ABCB9: variants seen among roughly 807,000 people sequenced by gnomAD.
The protein encoded by ABCB9 is ABC-type oligopeptide transporter ABCB9.
Under a neutral mutation model 62.0 loss-of-function variants are expected in ABCB9, and 36 were observed. The observed-to-expected ratio is 0.58, with a 90% CI of 0.45 to 0.77. The LOEUF is 0.77. Among genes scored for constraint, ABCB9 ranks in the 30% least tolerant of loss-of-function variants. The pLI, the probability that ABCB9 is intolerant of heterozygous loss-of-function variation, is 0.00. For missense variants in ABCB9, 943 were observed against 1,054.7 expected (o/e 0.89, Z 1.47); for synonymous variants, 435 against 461.4 (o/e 0.94, Z 0.73).
intron 2 of ABCB9, among the ~76,000 whole-genome samples, chr12:122,953,245 G>C (rs1442436404): frequency 6.6e-5 from 10 of 150,678 alleles, no homozygotes; most frequent in African/African-American, 2.4e-4. Context: ...TGGAGTCTCA[G>C]TCTGTTACCC....
At chr12:122,974,358 C>T (rs1285261675) in intron 1 of ABCB9, among the ~76,000 whole-genome samples, 1 of 152,220 alleles carries the variant, frequency 6.6e-6, no homozygotes, top group Non-Finnish European at 1.5e-5. Context: ...ATCCCACATA[C>T]TTCCACCACT....
At chr12:122,967,949 T>C (rs938242713), upstream of ABCB9, among the ~76,000 whole-genome samples, 5 of 152,104 alleles carry the variant, frequency 3.3e-5, no homozygotes, top group African/African-American at 1.2e-4. Flanking sequence ...GCAAGGGAGC[T>C]AAGGTACTAG....
At position 122,929,981 on chromosome 12, in the gene ABCB9, C is replaced by T; in HGVS notation, c.2231G>A (p.Gly744Glu). The T allele has an allele frequency of 6.3e-7, 1 of 1,578,834 alleles. No homozygotes were observed. Among genetic ancestry groups the T allele is most frequent in the Non-Finnish European group, 8.6e-7 (1 of 1,165,442 alleles). ...TGTGAAGTCTGCGGCGGGCTGAAGC[C>T]CCAGCATCTGCCGCTGCACCAGCTT... ...YAKLVQRQML[G>E]LQPAADFTAG... The change falls in exon 12 of 12, where the codon GGG becomes GAG. Residue 744 changes from glycine (G) to glutamate (E), a missense_variant. Coordinates refer to ENST00000280560, the MANE Select transcript of ABCB9 (RefSeq NM_019625.4). The surrounding 1 kb of genome is among the most constrained non-coding windows in gnomAD (Gnocchi z 6.0).
chr12:122,971,906 C>T (rs1019520564), intron 1 of ABCB9, among the ~76,000 whole-genome samples: 2 of 151,718 alleles, frequency 1.3e-5, no homozygotes, highest in African/African-American at 2.4e-5. Flanking sequence ...ACTTGCTACT[C>T]AATTTTGCTG....
At chr12:122,934,798 T>A (rs182045332) in intron 10 of ABCB9, among the ~76,000 whole-genome samples, 3 of 152,106 alleles carry the variant, frequency 2.0e-5, no homozygotes, top group Admixed American at 1.3e-4. Flanking sequence ...TATGAACATG[T>A]TATTTTTATC....
chr12:122,965,729 CTTTTT>C (rs77571044), intron 1 of ABCB9, among the ~76,000 whole-genome samples: 1 of 144,038 alleles, frequency 6.9e-6, no homozygotes, highest in Non-Finnish European at 1.5e-5. Context: ...GGGGAGGAGG[CTTTTT>C]TTTTTTTTCC....
Position 122,932,283 on chromosome 12 carries a change from C to T in ABCB9, c.1949G>A (p.Arg650Gln), listed in dbSNP as rs867978677. 6.4e-6 allele frequency: 10 copies of T among 1,551,252 alleles called. No individual in the cohort carries two copies. Among genetic ancestry groups the T allele is most frequent in the African/African-American group, 5.5e-5 (4 of 73,054 alleles). ...CACCAGAGCCCGGGCCATGGCCACCCGCTGCTTCTGGCCACCTGACAGCTG... is the reference window on the plus strand; with the variant it reads ...CACCAGAGCCCGGGCCATGGCCACCTGCTGCTTCTGGCCACCTGACAGCTG... ...GAQLSGGQKQRVAMARALVRN... is the reference protein window; with the variant it reads ...GAQLSGGQKQQVAMARALVRN... The change falls in exon 11 of 12, where the codon CGG (arginine) becomes CAG (glutamine). Residue 650 changes from arginine (R) to glutamine (Q), a missense_variant. Arg to Gln is a conservative substitution (Grantham distance 43). Transcript: ENST00000280560. The surrounding 1 kb of genome is among the most constrained non-coding windows in gnomAD (Gnocchi z 4.7).
intron 10 of ABCB9, among the ~76,000 whole-genome samples, chr12:122,933,387 T>C (rs1378784304): frequency 6.6e-6 from 1 of 152,140 alleles, no homozygotes; most frequent in East Asian, 1.9e-4. Flanking sequence ...ACCCTGTCTC[T>C]ACTAAAAATA....
chr12:122,944,534 G>A lies in ABCB9; in HGVS notation c.1252-15C>T, dbSNP rs1275057060. 6 of 1,613,118 alleles carry A rather than the reference G, an allele frequency of 3.7e-6. No individual in the cohort carries two copies. The highest frequency in any genetic ancestry group is 5.1e-6 in the Non-Finnish European group (6 of 1,179,662). Reference sequence around the variant, plus strand: ...AGCAGTGTGAGCTGGGGCAGAGGGAGAGGGGATGTGGGTCGAGGGGACCTT... The same window carrying A: ...AGCAGTGTGAGCTGGGGCAGAGGGAAAGGGGATGTGGGTCGAGGGGACCTT... On this transcript the variant is annotated splice_polypyrimidine_tract_variant and intron_variant, in intron 6 of 11. Transcript: ENST00000280560. The surrounding 1 kb of genome is among the most constrained non-coding windows in gnomAD (Gnocchi z 4.9).
chr12:122,945,426 C>T (rs1012168913), intron 6 of ABCB9, among the ~76,000 whole-genome samples: 18 of 152,036 alleles, frequency 1.2e-4, no homozygotes, highest in African/African-American at 4.1e-4. Flanking sequence ...CAGACACTGT[C>T]GGGAGTGTGT....
rs908988149 is a variant in ABCB9, at chr12:122,930,881, C to G, written c.2041-710G>C. On this transcript the variant is annotated intron_variant, in intron 11 of 11. Transcript: ENST00000280560. The surrounding 1 kb of genome is among the most constrained non-coding windows in gnomAD (Gnocchi z 4.9). ...TCAATCCGCGCATAGACTGAGGTTG[C>G]TAGCCATCTGCAAATACATGACTGG... Among the ~76,000 whole-genome samples, 2 of 152,150 alleles carry G rather than the reference C, an allele frequency of 1.3e-5. No homozygotes were observed. The highest frequency in any genetic ancestry group is 1.9e-4 in the East Asian group (1 of 5,194).
chr12:122,945,997 C>T lies in ABCB9; in HGVS notation c.1251+28G>A. 3 of 1,609,910 alleles carry T rather than the reference C, an allele frequency of 1.9e-6. No individual in the cohort carries two copies. The East Asian group carries it at 6.7e-5, about 36-fold the overall frequency. On this transcript the variant is annotated intron_variant, in intron 6 of 11. Coordinates refer to ENST00000280560, the MANE Select transcript of ABCB9 (RefSeq NM_019625.4). ...ATCTTTGCATCCCATCCCTCCACAG[C>T]CAGAGCTGCCTGGCCAGGGGCACGT...
At chr12:122,950,598 G>A in intron 2 of ABCB9, 33 bp from the exon 3 acceptor site, 2 of 1,563,680 alleles carry the variant, frequency 1.3e-6, no homozygotes, top group Middle Eastern at 1.7e-4. Context: ...AGGGACGTCT[G>A]CAGCCAGGGG....
chr12:122,959,479 G>C lies in ABCB9; in HGVS notation c.601+156C>G, dbSNP rs554285976. 6.6e-6 allele frequency among the ~76,000 whole-genome samples: 1 copy of C among 152,320 alleles called. No homozygotes were observed. The highest frequency in any genetic ancestry group is 2.1e-4 in the South Asian group (1 of 4,826). On this transcript the variant is annotated intron_variant, in intron 2 of 11. Coordinates refer to ENST00000280560, the MANE Select transcript of ABCB9 (RefSeq NM_019625.4). The surrounding 1 kb of genome is among the most constrained non-coding windows in gnomAD (Gnocchi z 5.4). ...TCCTACCTCAGCCTCCCAAAGTGCT[G>C]GGATTATAGATATGAGCCACTATGC...
At chr12:122,954,528 C>T (rs2036529545) in intron 2 of ABCB9, among the ~76,000 whole-genome samples, 1 of 151,324 alleles carries the variant, frequency 6.6e-6, no homozygotes, top group South Asian at 2.1e-4. Context: ...AGTCTCATTC[C>T]GTCACCCAGG....
downstream of ABCB9, chr12:122,924,528 C>T: frequency 8.9e-7 from 1 of 1,129,198 alleles, no homozygotes. Flanking sequence ...CTATGCTCAG[C>T]TCAAACATTT....
chr12:122,942,618 C>CAAAAA (rs549481027), intron 7 of ABCB9, among the ~76,000 whole-genome samples: 1 of 50,792 alleles, frequency 2.0e-5, no homozygotes, highest in Non-Finnish European at 3.9e-5. Context: ...GACTCCATCT[C>CAAAAA]AAAAAAAAAA....
At chr12:122,962,299 C>T (rs2036944939) in intron 1 of ABCB9, among the ~76,000 whole-genome samples, 1 of 152,174 alleles carries the variant, frequency 6.6e-6, no homozygotes, top group Non-Finnish European at 1.5e-5. Context: ...CCTCCTGTCT[C>T]AGCTCCAGTC....
In ABCB9 at chr12:122,944,620, A is replaced by C. The variant is rs745919862; in HGVS notation, c.1252-101T>G. The C allele has an allele frequency of 6.0e-5, 90 of 1,495,116 alleles. No homozygotes were observed. Among genetic ancestry groups the C allele is most frequent in the East Asian group, 1.2e-4 (5 of 42,590 alleles). 92.6% of individuals were successfully genotyped at this position (1,495,116 alleles called of 1,614,324 possible). ...AGGCTGCAGGGGGAGGTGAGGGCAG[A>C]CCCAGCCACAAACTGAAATGCCGGC... On this transcript the variant is annotated intron_variant, in intron 6 of 11. Coordinates refer to ENST00000280560, the MANE Select transcript of ABCB9 (RefSeq NM_019625.4). This position sits in a 1 kb window ranked among gnomAD's most constrained non-coding sequence, Gnocchi z 4.9.
Sources: allele counts gnomAD v4.1 joint callset (sites outside exome capture counted in the v4.1 genomes callset), GRCh38; gene constraint gnomAD v4.1.1; non-coding constraint Gnocchi (gnomAD v3.1); transcripts MANE v1.5; gene names NCBI Gene and HGNC (gene_info 2026-07-23, HGNC 2026-07-21).